The following USP6 variants were observed in gnomAD, a reference collection of about 807,000 sequenced individuals.
USP6 encodes ubiquitin specific peptidase 6.
In USP6, 128 loss-of-function variants were observed where a neutral mutation model predicts 175.7. The observed-to-expected ratio is 0.73, with a 90% CI of 0.63 to 0.84. The LOEUF (loss-of-function observed/expected upper bound fraction) is 0.84, where lower values mean the gene tolerates loss of function less well. USP6 is among the 40% of genes least tolerant of loss of function. The pLI, the probability that USP6 is intolerant of heterozygous loss-of-function variation, is 0.00. For missense variants in USP6, 1,498 were observed against 1,760.3 expected (o/e 0.85, Z 2.67); for synonymous variants, 562 against 630.6 (o/e 0.89, Z 1.63).
chr17:5,164,694 C>G (rs903219880), intron 33 of USP6, among the ~76,000 whole-genome samples: 2 of 152,158 alleles, frequency 1.3e-5, no homozygotes, highest in Non-Finnish European at 2.9e-5. Flanking sequence ...TGATGCCTTG[C>G]TAGGGAGTGG....
chr17:5,116,345 G>C lies in USP6; in HGVS notation c.-2323G>C, dbSNP rs1330426620. On this transcript the variant is annotated 5_prime_UTR_variant, in exon 1 of 38. Coordinates refer to ENST00000574788, the MANE Select transcript of USP6 (RefSeq NM_001304284.2). ...CCGCCTCACCACTCCCGGCTTCCCG[G>C]GGCTTAGGCCCGCACCATCGAGTCG... is the stretch of plus-strand genomic sequence containing the variant. The C allele has an allele frequency of 7.3e-6, 1 of 137,696 alleles. No homozygotes were observed. Among genetic ancestry groups the C allele is most frequent in the Non-Finnish European group, 1.7e-5 (1 of 57,970 alleles). The allele number at this position is 137,696 out of a possible 1,614,324, so 8.5% of individuals were successfully genotyped here.
intron 33 of USP6, among the ~76,000 whole-genome samples, chr17:5,167,418 A>T (rs148756197): frequency 3.1e-4 from 47 of 152,378 alleles, no homozygotes; most frequent in African/African-American, 1.1e-3. Context: ...TTATGGTCAT[A>T]TAAACAGAAA....
chr17:5,132,200 C>T lies in USP6; in HGVS notation c.156-196C>T, dbSNP rs1380894512. The T allele has an allele frequency of 1.9e-6, 3 of 1,544,202 alleles. No individual in the cohort carries two copies. The highest frequency in any genetic ancestry group is 2.6e-6 in the Non-Finnish European group (3 of 1,143,004). On this transcript the variant is annotated intron_variant, in intron 11 of 37. Transcript: ENST00000574788. The surrounding 1 kb of genome is among the most constrained non-coding windows in gnomAD (Gnocchi z 4.7). ...CCCCAGCCAGGCTGTCCCTGCACTC[C>T]TTCTTCTCCCAGGTCCTGCCCCTCC...
rs1437071933 is a variant in USP6 at position 5,139,209 on chromosome 17, T to C, written c.1079-46T>C. ...AGGTGGGGCCCAGCCCGGAAAGGCC[T>C]GCATGGGCTCACTGGAGATGCTGAC... On this transcript the variant is annotated intron_variant, in intron 21 of 37. Coordinates refer to ENST00000574788, the MANE Select transcript of USP6 (RefSeq NM_001304284.2). 7 of 1,598,466 alleles carry C rather than the reference T, an allele frequency of 4.4e-6. No individual in the cohort carries two copies. In the African/African-American group the frequency reaches 8.0e-5, roughly 18 times the overall value.
chr17:5,161,645 T>C, intron 32 of USP6, 31 bp downstream of exon 32: 1 of 1,605,304 alleles, frequency 6.2e-7, no homozygotes, highest in South Asian at 1.1e-5. Flanking sequence ...ATTACTTTAG[T>C]AGAATTTCAG....
chr17:5,172,832 G>A lies in USP6; in HGVS notation c.4075G>A (p.Asp1359Asn), dbSNP rs781210816. 31 of 1,613,592 alleles carry A rather than the reference G, an allele frequency of 1.9e-5. No individual in the cohort carries two copies. Among genetic ancestry groups the A allele is most frequent in the Admixed American group, 1.0e-4 (6 of 59,980 alleles). ...ACTTCACCCTGATGAAATTGACACC[G>A]ACTCTGCCTACATTCTTTTCTATGA... ...EELHPDEIDTDSAYILFYEQQ... is the reference protein window; with the variant it reads ...EELHPDEIDTNSAYILFYEQQ... Residue 1359 changes from aspartate to asparagine, a missense_variant, in exon 38 of 38, where the codon GAC (aspartate) becomes AAC (asparagine). This residue lies in a region of USP6 where 1,217 missense variants were observed against 1,500.8 expected (regional missense o/e 0.81). Coordinates refer to ENST00000574788, the MANE Select transcript of USP6 (RefSeq NM_001304284.2).
Position 5,139,544 on chromosome 17 carries a change from G to A in USP6, c.1368G>A (p.Arg456=), listed in dbSNP as rs1319427464. The A allele has an allele frequency of 1.2e-6, 2 of 1,613,816 alleles. No individual in the cohort carries two copies. The highest frequency in any genetic ancestry group is 4.5e-5 in the East Asian group (2 of 44,878). Residue 456 remains arginine (R), a synonymous_variant, in exon 22 of 38, where the codon CGG becomes CGA. Coordinates refer to ENST00000574788, the MANE Select transcript of USP6 (RefSeq NM_001304284.2). ...WRFLEWKSMP[R]LPTDLDIGGP... is the part of the protein sequence containing the mutation. The stretch of plus-strand genomic sequence containing the variant: ...TCCTGGAGTGGAAGTCAATGCCCCG[G>A]CTCCCAACGGACCTGGATATAGGGG...
At chr17:5,165,650 C>T (rs1004310565) in intron 33 of USP6, among the ~76,000 whole-genome samples, 6 of 152,114 alleles carry the variant, frequency 3.9e-5, no homozygotes, top group African/African-American at 1.4e-4. Context: ...TTAGGCCTCT[C>T]TCTTTAATAG....
chr17:5,119,810 G>A (rs978804147), intron 2 of USP6, among the ~76,000 whole-genome samples: 11 of 152,190 alleles, frequency 7.2e-5, no homozygotes, highest in Non-Finnish European at 4.4e-5. Flanking sequence ...ATAAACAGCT[G>A]GGAGAAAGAT....
intron 25 of USP6, 30 bp from the exon 26 acceptor site, chr17:5,144,657 AAAT>A (rs769893944): frequency 6.2e-7 from 1 of 1,608,220 alleles, no homozygotes; most frequent in South Asian, 1.1e-5. Context: ...TATGGGTAGG[AAAT>A]AATGACTGTG....
rs1162639588 is a variant in USP6, at chr17:5,134,889, G to C, written c.495-345G>C. Reference sequence around the variant, plus strand: ...AACCCTGGAGATTTGGAAGATGATGGAGTCGCTCCAGGAGGGGCTGGAGCG... The same window carrying C: ...AACCCTGGAGATTTGGAAGATGATGCAGTCGCTCCAGGAGGGGCTGGAGCG... On this transcript the variant is annotated intron_variant, in intron 15 of 37. Transcript: ENST00000574788. 6 of 348,906 alleles carry C rather than the reference G, an allele frequency of 1.7e-5. No homozygotes were observed. The East Asian group carries it at 4.5e-4, about 26-fold the overall frequency. The allele number at this position is 348,906 out of a possible 1,614,324, so 21.6% of individuals were successfully genotyped here. A position where few individuals can be genotyped will look rare whatever the true frequency, so the allele number is the denominator to read the frequency against.
rs563378639 is a variant in USP6 at position 5,136,861 on chromosome 17, C to T, written c.759+127C>T. 196 of 1,434,640 alleles carry T rather than the reference C, an allele frequency of 1.4e-4. 1 individual carries two copies. The Middle Eastern group carries it at 2.0e-3, about 15-fold the overall frequency. The allele number at this position is 1,434,640 out of a possible 1,614,324, so 88.9% of individuals were successfully genotyped here. ...GTCCCAGCTAGGGCCTGACCTGGGACGTCGGGTTCTCCATGGGCTGGGAGT... is the reference window on the plus strand; with the variant it reads ...GTCCCAGCTAGGGCCTGACCTGGGATGTCGGGTTCTCCATGGGCTGGGAGT... On this transcript the variant is annotated intron_variant, in intron 18 of 37. Coordinates refer to ENST00000574788, the MANE Select transcript of USP6 (RefSeq NM_001304284.2).
rs557621174 is a variant in USP6, at chr17:5,172,529, C to CA, written c.4048-269dup. Among the ~76,000 whole-genome samples the CA allele has an allele frequency of 3.2e-3, 490 of 152,104 alleles. 4 individuals carry two copies. The highest frequency in any genetic ancestry group is 9.6e-3 in the African/African-American group (400 of 41,488). ...CTGGTGACAGAGCGAGACTCCATCTCAAAAAAATAAATACATACAAAATAA... is the reference window on the plus strand; with the variant it reads ...CTGGTGACAGAGCGAGACTCCATCTCAAAAAAAATAAATACATACAAAATAA... On this transcript the variant is annotated intron_variant, in intron 37 of 37. Transcript: ENST00000574788.
At chr17:5,126,869 C>T (rs1195550111) in intron 6 of USP6, 1 of 152,304 alleles carries the variant, frequency 6.6e-6, no homozygotes. Context: ...TGGGGTGTGC[C>T]CATGCTCTCC....
At chr17:5,148,904 A>C in intron 30 of USP6, 137 bp downstream of exon 30, 1 of 1,412,920 alleles carries the variant, frequency 7.1e-7, no homozygotes, top group Non-Finnish European at 9.3e-7. Flanking sequence ...ATACTTTTAC[A>C]AATTTTATTT....
In USP6 at chr17:5,136,724, T is replaced by C. The variant is rs1567785752; in HGVS notation, c.749T>C (p.Met250Thr). 15 of 1,612,108 alleles carry C rather than the reference T, an allele frequency of 9.3e-6. No individual in the cohort carries two copies. The highest frequency in any genetic ancestry group is 6.7e-5 in the East Asian group (3 of 44,870). The change falls in exon 18 of 38, where the codon ATG becomes ACG. Residue 250 changes from methionine (M) to threonine (T), a missense_variant. Coordinates refer to ENST00000574788, the MANE Select transcript of USP6 (RefSeq NM_001304284.2). ...HVVPKSQPKTMWHQDKEGLCG... is the reference protein window; with the variant it reads ...HVVPKSQPKTTWHQDKEGLCG... ...GTACCCAAGTCACAACCCAAGACCATGTGGCATCAGGTGAGTTTATGGTCC... is the reference window on the plus strand; with the variant it reads ...GTACCCAAGTCACAACCCAAGACCACGTGGCATCAGGTGAGTTTATGGTCC...
chr17:5,157,831 A>G (rs971855805), intron 31 of USP6, among the ~76,000 whole-genome samples: 1 of 152,100 alleles, frequency 6.6e-6, no homozygotes, highest in African/African-American at 2.4e-5. Flanking sequence ...GGGTTTCACC[A>G]TGTTGGCCAG....
intron 4 of USP6, chr17:5,122,986 C>T (rs1044106501): frequency 1.3e-5 from 2 of 152,836 alleles, no homozygotes; most frequent in Non-Finnish European, 2.9e-5. Flanking sequence ...CTGCAATCGT[C>T]CTCTCGTAGC....
rs569664366 is a variant in USP6, at chr17:5,130,398, C to T, written c.31C>T (p.Gln11Ter). The change falls in exon 10 of 38, where the codon CAG (glutamine) becomes TAG (stop). Residue 11 changes from glutamine to a stop codon, truncating the protein, a stop_gained. Transcript: ENST00000574788. LOFTEE classifies it high-confidence loss of function. MDMVENADSL[Q>*]AQERKDILMK... ...CATGGTAGAGAATGCAGATAGTTTGCAGGCACAGGAGCGGAAGGACATACT... is the reference window on the plus strand; with the variant it reads ...CATGGTAGAGAATGCAGATAGTTTGTAGGCACAGGAGCGGAAGGACATACT... The T allele has an allele frequency of 1.5e-5, 25 of 1,614,102 alleles. No homozygotes were observed. The East Asian group carries it at 4.2e-4, about 27-fold the overall frequency.
Sources: allele counts gnomAD v4.1 joint callset (sites outside exome capture counted in the v4.1 genomes callset), GRCh38; gene constraint gnomAD v4.1.1; regional missense constraint gnomAD v4.1.1; non-coding constraint Gnocchi (gnomAD v3.1); transcripts MANE v1.5; gene names NCBI Gene and HGNC (gene_info 2026-07-23, HGNC 2026-07-21).